Variants in GRM1 observed in about 807,000 individuals in gnomAD.
GRM1 encodes the protein glutamate metabotropic receptor 1.
GRM1 carries 33 observed loss-of-function variants against 90.9 expected under a neutral mutation model. The ratio of observed to expected loss-of-function variants is 0.36; its 90% CI spans 0.28 to 0.49. GRM1 has a LOEUF of 0.49. GRM1 is among the 20% of genes least tolerant of loss of function. GRM1 has a pLI of 0.99. For missense variants in GRM1, 1,190 were observed against 1,534.3 expected (o/e 0.78, Z 3.75); for synonymous variants, 700 against 613.2 (o/e 1.14, Z -2.09).
intron 2 of GRM1, among the ~76,000 whole-genome samples, chr6:146,265,061 G>C (rs1315776138): frequency 2.6e-5 from 4 of 152,138 alleles, no homozygotes. Context: ...GAGTGAGATT[G>C]CTGGGTCAAA....
chr6:146,103,278 T>G (rs1382877428), intron 1 of GRM1, among the ~76,000 whole-genome samples: 2 of 152,170 alleles, frequency 1.3e-5, no homozygotes, highest in African/African-American at 2.4e-5. Context: ...TTTTATATAG[T>G]GAGGGACACC....
chr6:146,334,014 C>A (rs1325953874), intron 3 of GRM1, among the ~76,000 whole-genome samples: 1 of 152,158 alleles, frequency 6.6e-6, no homozygotes, highest in South Asian at 2.1e-4. Context: ...ACTCTGGGTA[C>A]CCTCAAGTTG....
chr6:146,273,152 A>T (rs1042329023), intron 2 of GRM1, among the ~76,000 whole-genome samples: 3 of 152,208 alleles, frequency 2.0e-5, no homozygotes, highest in Non-Finnish European at 2.9e-5. Context: ...CCAAAATATA[A>T]TGCCCTCTCC....
chr6:146,096,553 C>A (rs1341581539), intron 1 of GRM1, among the ~76,000 whole-genome samples: 2 of 152,166 alleles, frequency 1.3e-5, no homozygotes, highest in African/African-American at 4.8e-5. Flanking sequence ...TTTTGAGCTA[C>A]AATATTAATC....
Position 146,432,780 on chromosome 6 carries a change from A to G in GRM1, c.2661-1092A>G, listed in dbSNP as rs139542477. Among the ~76,000 whole-genome samples the G allele has an allele frequency of 3.9e-5, 6 of 152,364 alleles. No individual in the cohort carries two copies. The East Asian group carries it at 1.2e-3, about 29-fold the overall frequency. On this transcript the variant is annotated intron_variant, in intron 7 of 7. Coordinates refer to ENST00000282753, the MANE Select transcript of GRM1 (RefSeq NM_001278064.2). Reference sequence around the variant, plus strand: ...TCTGCTTAAAGTTATACAGAAAAGAAGCTGAGTCCAGAAGTGAGATCAGAG... The same window carrying G: ...TCTGCTTAAAGTTATACAGAAAAGAGGCTGAGTCCAGAAGTGAGATCAGAG...
chr6:146,063,688 T>C (rs898434938), intron 1 of GRM1, among the ~76,000 whole-genome samples: 1 of 152,160 alleles, frequency 6.6e-6, no homozygotes, highest in Non-Finnish European at 1.5e-5. Context: ...GGCTATAGTT[T>C]AGGCTTTTGA....
At chr6:146,156,785 T>G (rs1777541881) in intron 1 of GRM1, among the ~76,000 whole-genome samples, 1 of 152,170 alleles carries the variant, frequency 6.6e-6, no homozygotes, top group African/African-American at 2.4e-5. Context: ...GGATTAAGAA[T>G]GTTCTAGAGA....
At chr6:146,375,733 CA>C in intron 5 of GRM1, among the ~76,000 whole-genome samples, 1 of 152,108 alleles carries the variant, frequency 6.6e-6, no homozygotes, top group East Asian at 1.9e-4. Context: ...TCTCCATTAG[CA>C]CGGATTATCT....
intron 1 of GRM1, among the ~76,000 whole-genome samples, chr6:146,115,530 T>C (rs936913194): frequency 2.0e-5 from 3 of 152,182 alleles, no homozygotes; most frequent in Non-Finnish European, 4.4e-5. Flanking sequence ...CCAAATTTCA[T>C]TTTAAAAACT....
chr6:146,199,290 G>A (rs1294471153), intron 2 of GRM1, among the ~76,000 whole-genome samples: 1 of 152,058 alleles, frequency 6.6e-6, no homozygotes, highest in East Asian at 1.9e-4. Flanking sequence ...ATTTGCCAAG[G>A]CAACTCAAGC....
chr6:146,409,474 A>G (rs977570210), intron 7 of GRM1, among the ~76,000 whole-genome samples: 1 of 152,192 alleles, frequency 6.6e-6, no homozygotes, highest in African/African-American at 2.4e-5. Flanking sequence ...CTTCACTTCT[A>G]TTATATAGAT....
At chr6:146,054,508 C>T (rs775723300) in intron 1 of GRM1, among the ~76,000 whole-genome samples, 78 of 152,062 alleles carry the variant, frequency 5.1e-4, no homozygotes, top group Middle Eastern at 3.4e-3. Context: ...TATATTTTAT[C>T]CAAAATTATC....
chr6:146,303,809 G>A (rs1783478002), intron 2 of GRM1, among the ~76,000 whole-genome samples: 2 of 152,088 alleles, frequency 1.3e-5, no homozygotes, highest in East Asian at 1.9e-4. Context: ...TTCTTTGCAT[G>A]TTTAGCTTTG....
intron 2 of GRM1, among the ~76,000 whole-genome samples, chr6:146,169,651 C>T (rs189116065): frequency 3.5e-3 from 526 of 152,242 alleles, no homozygotes; most frequent in Non-Finnish European, 6.4e-3. Context: ...TTATTTTTCG[C>T]TGAATTTCCC....
chr6:146,101,879 A>T (rs1048545084), intron 1 of GRM1, among the ~76,000 whole-genome samples: 17 of 150,162 alleles, frequency 1.1e-4, no homozygotes, highest in African/African-American at 4.1e-4. Context: ...AATTATGTTA[A>T]TAATAATATG....
intron 1 of GRM1, among the ~76,000 whole-genome samples, chr6:146,125,513 C>G (rs933170614): frequency 1.3e-5 from 2 of 151,378 alleles, no homozygotes; most frequent in Non-Finnish European, 2.9e-5. Context: ...TACTTTCTCT[C>G]CCTCTACTTT....
chr6:146,111,784 G>T (rs531010538), intron 1 of GRM1, among the ~76,000 whole-genome samples: 2 of 152,336 alleles, frequency 1.3e-5, no homozygotes, highest in South Asian at 4.1e-4. Flanking sequence ...GTTGCAATAA[G>T]AAGTCAATGA....
At chr6:146,092,254 T>C (rs1776739273) in intron 1 of GRM1, among the ~76,000 whole-genome samples, 1 of 152,060 alleles carries the variant, frequency 6.6e-6, no homozygotes, top group South Asian at 2.1e-4. Flanking sequence ...GAGTGAGCTC[T>C]AGTATATTTC....
At chr6:146,257,510 ATG>A (rs1339916881) in intron 2 of GRM1, among the ~76,000 whole-genome samples, 2 of 141,872 alleles carry the variant, frequency 1.4e-5, no homozygotes, top group Non-Finnish European at 3.0e-5. Flanking sequence ...TCTGTGTAAT[ATG>A]TGTGTATATA....
Sources: gnomAD v4.1 joint callset for allele counts (sites outside exome capture counted in the v4.1 genomes callset) on GRCh38, gnomAD v4.1.1 for gene constraint, MANE v1.5 for transcripts, NCBI Gene and HGNC (gene_info 2026-07-23, HGNC 2026-07-21) for gene names.